The following SLC4A10 variants were observed in gnomAD, a reference collection of about 807,000 sequenced individuals.
SLC4A10 encodes the protein solute carrier family 4 member 10, also known as sodium-driven chloride bicarbonate exchanger.
Under a neutral mutation model 137.7 loss-of-function variants are expected in SLC4A10, and 42 were observed. That is an observed-to-expected ratio of 0.30 (90% CI 0.24 to 0.39). The LOEUF (loss-of-function observed/expected upper bound fraction) is 0.39. SLC4A10 is among the 10% of genes least tolerant of loss of function. SLC4A10 has a pLI of 1.00. For missense variants in SLC4A10, 925 were observed against 1,355.0 expected (o/e 0.68, Z 4.98); for synonymous variants, 474 against 464.1 (o/e 1.02, Z -0.27).
intron 15 of SLC4A10, among the ~76,000 whole-genome samples, chr2:161,933,182 CTTTT>C (rs1280917112): frequency 1.7e-5 from 2 of 114,440 alleles, no homozygotes; most frequent in Admixed American, 9.4e-5. Flanking sequence ...CCCCTTCCTT[CTTTT>C]CTTTCTTTCT....
intron 26 of SLC4A10, among the ~76,000 whole-genome samples, chr2:161,981,240 G>A (rs1288732370): frequency 2.6e-5 from 4 of 152,234 alleles, no homozygotes; most frequent in Non-Finnish European, 4.4e-5. Flanking sequence ...CACCTCCCAC[G>A]TTTCAAAGTA....
In SLC4A10 at chr2:161,660,845, T is replaced by A. The variant is rs188580101; in HGVS notation, c.48+36279T>A. Among the ~76,000 whole-genome samples, 807 of 150,736 alleles carry A rather than the reference T, an allele frequency of 5.4e-3. 9 individuals are homozygous for A. Among genetic ancestry groups the A allele is most frequent in the African/African-American group, 0.019 (773 of 41,020 alleles). On this transcript the variant is annotated intron_variant, in intron 1 of 26. Transcript: ENST00000446997. ...ATTTTTTTTTTATTTTTATTTTTAG[T>A]AGGGACGGGTTTCACCATGTTAGCC...
chr2:161,809,482 T>C (rs1210283953), intron 3 of SLC4A10, among the ~76,000 whole-genome samples: 1 of 152,122 alleles, frequency 6.6e-6, no homozygotes, highest in African/African-American at 2.4e-5. Context: ...TTTCCTAAGC[T>C]TTCTTCTAGA....
chr2:161,800,400 A>C (rs1379841259), intron 2 of SLC4A10, among the ~76,000 whole-genome samples: 1 of 152,036 alleles, frequency 6.6e-6, no homozygotes, highest in Non-Finnish European at 1.5e-5. Context: ...ATGGATATTT[A>C]TTGAGCACCA....
chr2:161,659,317 T>C (rs1269029574), intron 1 of SLC4A10, among the ~76,000 whole-genome samples: 8 of 152,224 alleles, frequency 5.3e-5, no homozygotes, highest in Admixed American at 2.6e-4. Context: ...TTCTCACTTA[T>C]AATTGGGAAC....
intron 15 of SLC4A10, among the ~76,000 whole-genome samples, chr2:161,939,427 C>T (rs1019185747): frequency 6.6e-6 from 1 of 152,138 alleles, no homozygotes; most frequent in African/African-American, 2.4e-5. Context: ...CACTCTACCT[C>T]CCTTTTCAAT....
intron 3 of SLC4A10, among the ~76,000 whole-genome samples, chr2:161,828,179 C>G (rs1384733304): frequency 2.6e-5 from 4 of 152,192 alleles, no homozygotes; most frequent in African/African-American, 9.6e-5. Context: ...CTTTGCTAGA[C>G]AAAGCCTGCG....
chr2:161,802,683 G>C (rs1242069780), intron 2 of SLC4A10, among the ~76,000 whole-genome samples: 2 of 152,124 alleles, frequency 1.3e-5, no homozygotes, highest in African/African-American at 4.8e-5. Context: ...AGTTCTGGAG[G>C]CTGGGACACC....
intron 1 of SLC4A10, among the ~76,000 whole-genome samples, chr2:161,671,082 G>A (rs546190513): frequency 5.3e-5 from 8 of 152,244 alleles, no homozygotes; most frequent in Admixed American, 6.5e-5. Flanking sequence ...CCCAAAATTC[G>A]TATGTTGAAA....
chr2:161,822,320 C>T (rs774381163), intron 3 of SLC4A10, among the ~76,000 whole-genome samples: 1 of 152,122 alleles, frequency 6.6e-6, no homozygotes, highest in Non-Finnish European at 1.5e-5. Flanking sequence ...CATGGGGACC[C>T]TAATACCAAT....
chr2:161,857,865 A>T (rs751562250), intron 5 of SLC4A10, among the ~76,000 whole-genome samples: 20 of 152,120 alleles, frequency 1.3e-4, no homozygotes, highest in Non-Finnish European at 2.5e-4. Flanking sequence ...AATAAAAATA[A>T]TTTTTTTATT....
chr2:161,913,872 A>G (rs1686465475), intron 15 of SLC4A10, among the ~76,000 whole-genome samples: 1 of 152,190 alleles, frequency 6.6e-6, no homozygotes, highest in Admixed American at 6.5e-5. Flanking sequence ...TTTACATAGG[A>G]TATCTGCCAC....
chr2:161,890,140 G>T (rs1409166287), intron 10 of SLC4A10, among the ~76,000 whole-genome samples: 1 of 152,174 alleles, frequency 6.6e-6, no homozygotes, highest in Non-Finnish European at 1.5e-5. Flanking sequence ...TGATTGCACT[G>T]TGGTCTGAGA....
At chr2:161,802,620 G>GA (rs2055493221) in intron 2 of SLC4A10, among the ~76,000 whole-genome samples, 1 of 152,036 alleles carries the variant, frequency 6.6e-6, no homozygotes, top group South Asian at 2.1e-4. Flanking sequence ...GGGGCTGCCA[G>GA]AAAAAAATAC....
chr2:161,900,925 T>A lies in SLC4A10; in HGVS notation c.1356T>A (p.Ile452=), dbSNP rs1682960847. The change falls in exon 12 of 27, where the codon ATT becomes ATA. Residue 452 remains isoleucine (I), a synonymous_variant. Coordinates refer to ENST00000446997, the MANE Select transcript of SLC4A10 (RefSeq NM_001178015.2). ...ACTCTCCACAGGAGAAGAGGAAGATTCCTGCTGTACCAAATGGAACAGCAG... is the reference window on the plus strand; with the variant it reads ...ACTCTCCACAGGAGAAGAGGAAGATACCTGCTGTACCAAATGGAACAGCAG... ...KNVPSQEKRK[I]PAVPNGTAAH... The A allele has an allele frequency of 6.4e-7, 1 of 1,550,508 alleles. No homozygotes were observed. The highest frequency in any genetic ancestry group is 1.4e-5 in the African/African-American group (1 of 72,974).
chr2:161,894,861 T>A (rs1220903182), intron 11 of SLC4A10, 36 bp downstream of exon 11: 1 of 1,292,144 alleles, frequency 7.7e-7, no homozygotes, highest in Non-Finnish European at 1.0e-6. Flanking sequence ...GAAATTGAAT[T>A]TTTTTTTGTC....
At chr2:161,892,620 G>T (rs1363730767) in intron 10 of SLC4A10, among the ~76,000 whole-genome samples, 1 of 152,002 alleles carries the variant, frequency 6.6e-6, no homozygotes, top group Non-Finnish European at 1.5e-5. Context: ...GAAACAAATG[G>T]TCTAAAAGTA....
intron 15 of SLC4A10, among the ~76,000 whole-genome samples, chr2:161,935,525 T>G (rs1691426970): frequency 6.6e-6 from 1 of 152,158 alleles, no homozygotes; most frequent in Non-Finnish European, 1.5e-5. Flanking sequence ...ATATTTTTCC[T>G]TTTATATGTG....
At chr2:161,685,121 T>C (rs1228314375) in intron 1 of SLC4A10, among the ~76,000 whole-genome samples, 2 of 152,176 alleles carry the variant, frequency 1.3e-5, no homozygotes, top group African/African-American at 4.8e-5. Context: ...TCAGGGTGAT[T>C]ATCAGCAGGA....
Sources: gnomAD v4.1 joint callset for allele counts (sites outside exome capture counted in the v4.1 genomes callset) on GRCh38, gnomAD v4.1.1 for gene constraint, MANE v1.5 for transcripts, NCBI Gene and HGNC (gene_info 2026-07-23, HGNC 2026-07-21) for gene names.